Variants in ADARB2 observed in about 807,000 individuals in gnomAD.
ADARB2 encodes inactive double-stranded RNA-specific editase B2.
Under a neutral mutation model 62.2 loss-of-function variants are expected in ADARB2, and 25 were observed. That is an observed-to-expected ratio of 0.40 (90% CI 0.29 to 0.56). ADARB2 has a LOEUF of 0.56. Ranked by LOEUF, ADARB2 falls within the 20% of genes least tolerant of loss-of-function variation. ADARB2 has a pLI of 0.43. For synonymous variants in ADARB2, 572 were observed against 500.8 expected (o/e 1.14, Z -1.90); for missense variants, 1,071 against 1,077.4 (o/e 0.99, Z 0.08).
chr10:1,579,879 C>T (rs10794764), intron 1 of ADARB2, among the ~76,000 whole-genome samples: 76,630 of 151,900 alleles, frequency 0.5, 19,824 homozygotes, highest in East Asian at 0.64. Context: ...ATTCTCTCCC[C>T]GAATCTCCCC....
chr10:1,629,577 A>G (rs1833817785), intron 1 of ADARB2, among the ~76,000 whole-genome samples: 1 of 99,402 alleles, frequency 1.0e-5, no homozygotes, highest in South Asian at 3.8e-4. Flanking sequence ...CCAGCACTCA[A>G]GCCCCTCAGG....
intron 1 of ADARB2, among the ~76,000 whole-genome samples, chr10:1,413,868 G>A (rs376008395): frequency 9.2e-5 from 14 of 152,252 alleles, no homozygotes; most frequent in South Asian, 6.2e-4. Context: ...AAAGTTTTGC[G>A]ATACCCAGTG....
intron 3 of ADARB2, among the ~76,000 whole-genome samples, chr10:1,286,909 T>C (rs958859773): frequency 2.0e-5 from 3 of 152,206 alleles, no homozygotes; most frequent in Non-Finnish European, 2.9e-5. Context: ...GCTGTTGTTA[T>C]TGCCATTATC....
intron 1 of ADARB2, among the ~76,000 whole-genome samples, chr10:1,438,060 G>A (rs1830854230): frequency 6.6e-6 from 1 of 152,218 alleles, no homozygotes; most frequent in Admixed American, 6.5e-5. Flanking sequence ...CAGAGTGGCT[G>A]AAGCAGGGTG....
At chr10:1,399,697 T>C (rs1198464427) in intron 1 of ADARB2, among the ~76,000 whole-genome samples, 3 of 152,234 alleles carry the variant, frequency 2.0e-5, no homozygotes, top group Non-Finnish European at 2.9e-5. Flanking sequence ...TTCAGGGTTT[T>C]TGTAATATTA....
intron 3 of ADARB2, among the ~76,000 whole-genome samples, chr10:1,282,375 A>C (rs1376376080): frequency 1.3e-5 from 2 of 152,136 alleles, no homozygotes; most frequent in East Asian, 3.8e-4. Context: ...TCTCCACAGA[A>C]CTGTGTCTAC....
rs139624682 is a variant in ADARB2 at position 1,352,374 on chromosome 10, T to G, written c.1077+10654A>C. ...GCTGACCCCGTAGATCCTAAATCCT[T>G]TCCCCACTCCTCTTCCACTTCCTTG... On this transcript the variant is annotated intron_variant, in intron 3 of 9. Transcript: ENST00000381312. Among the ~76,000 whole-genome samples the G allele has an allele frequency of 3.2e-3, 485 of 152,266 alleles. 3 individuals are homozygous for G. Among genetic ancestry groups the G allele is most frequent in the African/African-American group, 0.011 (461 of 41,550 alleles).
chr10:1,435,868 G>A (rs1360869698), intron 1 of ADARB2, among the ~76,000 whole-genome samples: 1 of 152,204 alleles, frequency 6.6e-6, no homozygotes, highest in East Asian at 1.9e-4. Flanking sequence ...GTTTCGAAGG[G>A]AAAATGATTT....
intron 4 of ADARB2, 102 bp downstream of exon 4, chr10:1,270,853 C>T (rs1831254402): frequency 2.1e-6 from 2 of 969,106 alleles, no homozygotes; most frequent in East Asian, 5.2e-5. Context: ...TTGTCACAGC[C>T]TGTTGTGGAA....
At chr10:1,680,038 C>G (rs1834515160) in intron 1 of ADARB2, among the ~76,000 whole-genome samples, 1 of 152,150 alleles carries the variant, frequency 6.6e-6, no homozygotes, top group Admixed American at 6.5e-5. Context: ...CCAGCGACCC[C>G]ACTCCCCCAG....
At chr10:1,456,364 G>T (rs73578699) in intron 1 of ADARB2, among the ~76,000 whole-genome samples, 8,484 of 152,170 alleles carry the variant, frequency 0.056, 530 homozygotes, top group African/African-American at 0.15. Flanking sequence ...CACCAGCAAC[G>T]GCTCCTGGAG....
At chr10:1,659,172 T>C (rs1195260602) in intron 1 of ADARB2, among the ~76,000 whole-genome samples, 1 of 152,186 alleles carries the variant, frequency 6.6e-6, no homozygotes, top group African/African-American at 2.4e-5. Context: ...AGGGAAAAAG[T>C]CAATCGACAT....
intron 3 of ADARB2, among the ~76,000 whole-genome samples, chr10:1,313,719 A>G (rs1831712575): frequency 6.6e-6 from 1 of 152,170 alleles, no homozygotes; most frequent in African/African-American, 2.4e-5. Context: ...CAGAGATGAC[A>G]CCTGCACACC....
intron 1 of ADARB2, among the ~76,000 whole-genome samples, chr10:1,651,211 T>C (rs1045009769): frequency 2.6e-5 from 4 of 152,238 alleles, no homozygotes; most frequent in Non-Finnish European, 5.9e-5. Context: ...AATTAAACTA[T>C]TAGCCAATGA....
chr10:1,460,042 G>A (rs1486603043), intron 1 of ADARB2, among the ~76,000 whole-genome samples: 1 of 71,576 alleles, frequency 1.4e-5, no homozygotes, highest in Non-Finnish European at 3.4e-5. Context: ...GAGTTTACCT[G>A]TGTAGCAAAC....
At chr10:1,418,900 G>A (rs557330810) in intron 1 of ADARB2, among the ~76,000 whole-genome samples, 4 of 152,194 alleles carry the variant, frequency 2.6e-5, no homozygotes, top group East Asian at 1.9e-4. Flanking sequence ...GCGTGCTGTC[G>A]GAAACCAGCC....
intron 1 of ADARB2, chr10:1,678,183 G>T (rs1438994835): frequency 6.1e-6 from 6 of 985,322 alleles, no homozygotes; most frequent in Non-Finnish European, 7.2e-6. Flanking sequence ...AATGCCCAGG[G>T]CAATGCCACA....
At chr10:1,271,494 T>G (rs540053963) in intron 3 of ADARB2, among the ~76,000 whole-genome samples, 1 of 152,344 alleles carries the variant, frequency 6.6e-6, no homozygotes, top group East Asian at 1.9e-4. Context: ...CAGGGTGCTC[T>G]TCTGGCAAAA....
In ADARB2 at chr10:1,340,828, A is replaced by G. The variant is rs556965209; in HGVS notation, c.1077+22200T>C. On this transcript the variant is annotated intron_variant, in intron 3 of 9. Transcript: ENST00000381312. Reference sequence around the variant, plus strand: ...CCCACAGCGGCAATAACCAGCATCCACCAGAGAACCACACACCCCACAGTG... The same window carrying G: ...CCCACAGCGGCAATAACCAGCATCCGCCAGAGAACCACACACCCCACAGTG... Among the ~76,000 whole-genome samples the G allele has an allele frequency of 9.8e-5, 14 of 142,568 alleles. 1 individual carries two copies. Among genetic ancestry groups the G allele is most frequent in the African/African-American group, 3.8e-4 (14 of 36,942 alleles). The allele number at this position is 142,568 out of a possible 152,430, so 93.5% of individuals were successfully genotyped here.
Sources: gnomAD v4.1 joint callset for allele counts (sites outside exome capture counted in the v4.1 genomes callset) on GRCh38, gnomAD v4.1.1 for gene constraint, MANE v1.5 for transcripts, NCBI Gene and HGNC (gene_info 2026-07-23, HGNC 2026-07-21) for gene names.